The following SIDT1 variants were observed in gnomAD, a reference collection of about 807,000 sequenced individuals.
SIDT1 encodes SID1 transmembrane family, member 1.
SIDT1 carries 101 observed loss-of-function variants against 107.5 expected under a neutral mutation model. The observed-to-expected ratio is 0.94, with a 90% CI of 0.80 to 1.11. SIDT1 has a LOEUF of 1.11. SIDT1 is among the 50% of genes least tolerant of loss of function. SIDT1 has a pLI of 0.00. For missense variants in SIDT1, 1,076 were observed against 1,058.2 expected, an observed-to-expected ratio of 1.02 and a Z score of -0.23; for synonymous variants, 395 against 398.2, an observed-to-expected ratio of 0.99 and a Z score of 0.10.
intron 1 of SIDT1, among the ~76,000 whole-genome samples, chr3:113,539,348 A>G (rs377275325): frequency 2.0e-4 from 31 of 152,320 alleles, no homozygotes; most frequent in African/African-American, 6.3e-4. Flanking sequence ...GGTAAAACTC[A>G]AGTGCTCTTT....
intron 3 of SIDT1, among the ~76,000 whole-genome samples, chr3:113,571,081 G>A (rs1942399814): frequency 6.6e-6 from 1 of 152,156 alleles, no homozygotes; most frequent in Admixed American, 6.5e-5. Flanking sequence ...CCAATTGTTT[G>A]TGTTTCTCTA....
At chr3:113,536,307 C>T (rs955753501) in intron 1 of SIDT1, among the ~76,000 whole-genome samples, 8 of 152,142 alleles carry the variant, frequency 5.3e-5, no homozygotes, top group African/African-American at 1.7e-4. Context: ...CCCAGACCTA[C>T]GATCTTTAGA....
chr3:113,584,229 A>G (rs1050496722), intron 7 of SIDT1, among the ~76,000 whole-genome samples: 2 of 152,240 alleles, frequency 1.3e-5, no homozygotes, highest in African/African-American at 4.8e-5. Flanking sequence ...TCTTAATTAC[A>G]TGGCTCCAAA....
Position 113,556,371 on chromosome 3 carries a change from T to C in SIDT1, c.223-10049T>C, listed in dbSNP as rs1238140661. Among the ~76,000 whole-genome samples, 31 of 152,106 alleles carry C rather than the reference T, an allele frequency of 2.0e-4. 1 individual carries two copies. Among genetic ancestry groups the C allele is most frequent in the Admixed American group, 2.0e-3 (31 of 15,254 alleles). On this transcript the variant is annotated intron_variant, in intron 1 of 24. Coordinates refer to ENST00000264852, the MANE Select transcript of SIDT1 (RefSeq NM_017699.3). ...TTATGAAAAGCTTGGGATGAAACGC[T>C]CCATATAATGAGAATTACTAACTTC...
intron 21 of SIDT1, 30 bp downstream of exon 21, chr3:113,619,756 C>T (rs1466829632): frequency 2.5e-6 from 4 of 1,604,874 alleles, no homozygotes; most frequent in Non-Finnish European, 3.4e-6. Flanking sequence ...CATGTTTTTG[C>T]CTTTATTAAT....
intron 17 of SIDT1, among the ~76,000 whole-genome samples, 193 bp from the exon 18 acceptor site, chr3:113,610,815 G>T (rs1289167317): frequency 6.6e-6 from 1 of 152,184 alleles, no homozygotes; most frequent in Non-Finnish European, 1.5e-5. Flanking sequence ...AGGTTTAGAA[G>T]TGGAGTACGT....
chr3:113,548,770 C>T (rs1939881267), intron 1 of SIDT1, among the ~76,000 whole-genome samples: 1 of 152,078 alleles, frequency 6.6e-6, no homozygotes, highest in African/African-American at 2.4e-5. Context: ...CTACCTTAGC[C>T]CAAGCCCCTT....
intron 3 of SIDT1, among the ~76,000 whole-genome samples, 181 bp from the exon 4 acceptor site, chr3:113,576,741 C>A (rs941832674): frequency 1.3e-5 from 2 of 152,104 alleles, no homozygotes; most frequent in African/African-American, 2.4e-5. Flanking sequence ...GAGTTGAAAC[C>A]ACCAAGTCCC....
chr3:113,581,531 C>T, intron 6 of SIDT1, 87 bp downstream of exon 6: 2 of 1,074,562 alleles, frequency 1.9e-6, no homozygotes, highest in South Asian at 2.5e-5. Flanking sequence ...AAAGGGATGG[C>T]CATCCATGAT....
At chr3:113,548,242 A>G (rs561647296) in intron 1 of SIDT1, among the ~76,000 whole-genome samples, 1 of 152,078 alleles carries the variant, frequency 6.6e-6, no homozygotes, top group South Asian at 2.1e-4. Flanking sequence ...TTATTAACTA[A>G]ATCTGTATTT....
intron 4 of SIDT1, among the ~76,000 whole-genome samples, chr3:113,578,313 A>C (rs1424447279): frequency 6.6e-6 from 1 of 152,038 alleles, no homozygotes. Flanking sequence ...AAAAAATACA[A>C]AAAATTACCC....
intron 10 of SIDT1, among the ~76,000 whole-genome samples, chr3:113,597,865 T>C (rs1466003515): frequency 6.6e-6 from 1 of 152,210 alleles, no homozygotes; most frequent in East Asian, 1.9e-4. Context: ...AAGCTGATAT[T>C]TTGTGTTGAA....
In SIDT1 at chr3:113,562,126, G is replaced by T. The variant is rs138138065; in HGVS notation, c.223-4294G>T. 4.3e-3 allele frequency among the ~76,000 whole-genome samples: 659 copies of T among 152,228 alleles called. 2 individuals carry two copies. Among genetic ancestry groups the T allele is most frequent in the South Asian group, 9.9e-3 (48 of 4,832 alleles). Reference sequence around the variant, plus strand: ...GAAGAGCCAGGCAGGTAAACTAGCAGTTTAAATATCATGTGGTCCACAATG... The same window carrying T: ...GAAGAGCCAGGCAGGTAAACTAGCATTTTAAATATCATGTGGTCCACAATG... On this transcript the variant is annotated intron_variant, in intron 1 of 24. Coordinates refer to ENST00000264852, the MANE Select transcript of SIDT1 (RefSeq NM_017699.3).
Position 113,568,903 on chromosome 3 carries a change from G to T in SIDT1, c.515+1193G>T, listed in dbSNP as rs376477733. ...GATCCCAGCACTTTGGGAGGCCACA[G>T]CAGGTGGATCACCTGAGGTCAGGAG... On this transcript the variant is annotated intron_variant, in intron 3 of 24. Coordinates refer to ENST00000264852, the MANE Select transcript of SIDT1 (RefSeq NM_017699.3). Among the ~76,000 whole-genome samples, 32 of 152,242 alleles carry T rather than the reference G, an allele frequency of 2.1e-4. 1 individual carries two copies. In the South Asian group the frequency reaches 6.2e-3, roughly 30 times the overall value.
intron 6 of SIDT1, 29 bp downstream of exon 6, chr3:113,581,473 G>T: frequency 6.5e-7 from 1 of 1,549,800 alleles, no homozygotes; most frequent in Non-Finnish European, 8.9e-7. Context: ...GGGCATTATT[G>T]CCAATGGTAA....
chr3:113,537,121 C>T (rs560821340), intron 1 of SIDT1, among the ~76,000 whole-genome samples: 1 of 152,310 alleles, frequency 6.6e-6, no homozygotes, highest in East Asian at 1.9e-4. Flanking sequence ...AACCACTGGG[C>T]AACAGGCTGT....
In SIDT1 at chr3:113,593,043, A is replaced by T. The variant is rs752689521; in HGVS notation, c.1040A>T (p.Asn347Ile). The change falls in exon 10 of 25, where the codon AAT becomes ATT. Residue 347 changes from asparagine (N) to isoleucine (I), a missense_variant. By Grantham distance (149) the Asn-to-Ile change is moderately radical. Transcript: ENST00000264852. ...RKSIDGSFGS[N>I]DGSGNMVASH... The stretch of plus-strand genomic sequence containing the variant: ...TCCATTGATGGAAGCTTTGGGTCCA[A>T]TGATGGTAAGAGCAATGCTTGGTTT... The T allele has an allele frequency of 6.2e-7, 1 of 1,613,140 alleles. No individual in the cohort carries two copies. The highest frequency in any genetic ancestry group is 8.5e-7 in the Non-Finnish European group (1 of 1,179,038).
chr3:113,571,916 T>C (rs1268228127), intron 3 of SIDT1, among the ~76,000 whole-genome samples: 6 of 151,854 alleles, frequency 4.0e-5, no homozygotes, highest in Non-Finnish European at 7.4e-5. Flanking sequence ...GCCTGGGCCA[T>C]AGAGCAAGAC....
chr3:113,610,943 A>G lies in SIDT1; in HGVS notation c.1721-65A>G. The G allele has an allele frequency of 2.6e-6, 4 of 1,564,412 alleles. No individual in the cohort carries two copies. In the South Asian group the frequency reaches 4.7e-5, roughly 18 times the overall value. On this transcript the variant is annotated intron_variant, in intron 17 of 24. Coordinates refer to ENST00000264852, the MANE Select transcript of SIDT1 (RefSeq NM_017699.3). Reference sequence around the variant, plus strand: ...GTACTCAGAGTCTGAAGAAAAATCTAGAAAATATCATCTGTCTGTCACCTA... The same window carrying G: ...GTACTCAGAGTCTGAAGAAAAATCTGGAAAATATCATCTGTCTGTCACCTA...
Sources: allele counts gnomAD v4.1 joint callset (sites outside exome capture counted in the v4.1 genomes callset), GRCh38; gene constraint gnomAD v4.1.1; transcripts MANE v1.5; gene names NCBI Gene and HGNC (gene_info 2026-07-23, HGNC 2026-07-21).